CEP112: variants seen among roughly 807,000 people sequenced by gnomAD.
CEP112 encodes the protein centrosomal protein of 112 kDa.
A neutral mutation model predicts 153.0 loss-of-function variants in CEP112; 127 were observed. That is an observed-to-expected ratio of 0.83 (90% CI 0.72 to 0.96). The LOEUF is 0.96. Ranked by LOEUF, CEP112 falls within the 40% of genes least tolerant of loss-of-function variation. The probability of loss-of-function intolerance (pLI) is 0.00; values close to 1 mark genes in which losing one functional copy is unlikely to be tolerated. For synonymous variants in CEP112, 358 were observed against 374.4 expected, an observed-to-expected ratio of 0.96 and a Z score of 0.51; for missense variants, 1,089 against 1,101.2, an observed-to-expected ratio of 0.99 and a Z score of 0.16.
intron 17 of CEP112, among the ~76,000 whole-genome samples, chr17:65,983,910 T>C (rs1337670320): frequency 6.6e-6 from 1 of 152,214 alleles, no homozygotes; most frequent in East Asian, 1.9e-4. Flanking sequence ...TTTTGTTATC[T>C]CTCTACATTG....
intron 6 of CEP112, among the ~76,000 whole-genome samples, chr17:66,103,391 GA>G (rs2068647701): frequency 6.6e-6 from 1 of 152,044 alleles, no homozygotes; most frequent in Non-Finnish European, 1.5e-5. Flanking sequence ...TAGAAAGAAA[GA>G]AGAGGGTACA....
intron 23 of CEP112, among the ~76,000 whole-genome samples, chr17:65,718,272 G>T (rs760704694): frequency 1.3e-5 from 2 of 152,018 alleles, no homozygotes; most frequent in Non-Finnish European, 2.9e-5. Context: ...GCTGGGTGTG[G>T]TGGTGGGCGC....
intron 11 of CEP112, among the ~76,000 whole-genome samples, chr17:66,059,239 G>A (rs566372354): frequency 1.6e-4 from 25 of 152,194 alleles, no homozygotes; most frequent in Admixed American, 5.9e-4. Flanking sequence ...GACATTGACC[G>A]TGGTAAAGAA....
In CEP112 at chr17:66,191,412, T is replaced by C. The variant is rs1194112946; in HGVS notation, c.-9+585A>G. ...GTTCACATTTACTTATGTCGTTCTC[T>C]TGAACACTTAAAAATAATTAACTCA... On this transcript the variant is annotated intron_variant, in intron 1 of 26. Coordinates refer to ENST00000535342, the MANE Select transcript of CEP112 (RefSeq NM_001199165.4). The surrounding 1 kb of genome is among the most constrained non-coding windows in gnomAD (Gnocchi z 4.2). 6.6e-6 allele frequency among the ~76,000 whole-genome samples: 1 copy of C among 152,260 alleles called. No individual in the cohort carries two copies. Among genetic ancestry groups the C allele is most frequent in the African/African-American group, 2.4e-5 (1 of 41,472 alleles).
In CEP112 at chr17:66,165,750, T is replaced by C. The variant is rs1023936397; in HGVS notation, c.470+9294A>G. Among the ~76,000 whole-genome samples, 4 of 152,334 alleles carry C rather than the reference T, an allele frequency of 2.6e-5. No individual in the cohort carries two copies. The East Asian group carries it at 7.7e-4, about 29-fold the overall frequency. On this transcript the variant is annotated intron_variant, in intron 4 of 26. Transcript: ENST00000535342. Reference sequence around the variant, plus strand: ...TGATCACCATCTGCTGGCCATGTTATTAAACTGCACACACAAATGAAATGC... The same window carrying C: ...TGATCACCATCTGCTGGCCATGTTACTAAACTGCACACACAAATGAAATGC...
At chr17:66,126,427 A>G (rs1478401709) in intron 6 of CEP112, among the ~76,000 whole-genome samples, 1 of 152,154 alleles carries the variant, frequency 6.6e-6, no homozygotes, top group African/African-American at 2.4e-5. Context: ...CTAAAGGGAG[A>G]ATGTTCCAAA....
At chr17:66,082,690 G>A (rs1598313714) in intron 8 of CEP112, among the ~76,000 whole-genome samples, 2 of 151,760 alleles carry the variant, frequency 1.3e-5, no homozygotes, top group Middle Eastern at 6.8e-3. Context: ...TTGAACCCAG[G>A]AGACAGAGGT....
At chr17:65,813,906 G>A (rs1002130495) in intron 21 of CEP112, among the ~76,000 whole-genome samples, 2 of 152,110 alleles carry the variant, frequency 1.3e-5, no homozygotes, top group African/African-American at 2.4e-5. Context: ...CAATGTCAAC[G>A]TTTAACACAA....
rs1043395297 is a variant in CEP112 at position 65,930,106 on chromosome 17, A to G, written c.1873-2417T>C. On this transcript the variant is annotated intron_variant, in intron 18 of 26. Transcript: ENST00000535342. Reference sequence around the variant, plus strand: ...CGTGGCAACCATTCTACCACTGGCTACTTTATATTACTTATTATTCTGCTT... The same window carrying G: ...CGTGGCAACCATTCTACCACTGGCTGCTTTATATTACTTATTATTCTGCTT... Among the ~76,000 whole-genome samples, 3 of 152,196 alleles carry G rather than the reference A, an allele frequency of 2.0e-5. No homozygotes were observed. The South Asian group carries it at 6.2e-4, about 32-fold the overall frequency.
At chr17:65,850,447 G>C (rs1336543818) in intron 21 of CEP112, among the ~76,000 whole-genome samples, 1 of 152,060 alleles carries the variant, frequency 6.6e-6, no homozygotes, top group Non-Finnish European at 1.5e-5. Context: ...ATGCTGTCAG[G>C]TCTACCTTCA....
rs538023854 is a variant in CEP112 at position 65,996,279 on chromosome 17, A to C, written c.1736+9411T>G. On this transcript the variant is annotated intron_variant, in intron 17 of 26. Coordinates refer to ENST00000535342, the MANE Select transcript of CEP112 (RefSeq NM_001199165.4). Reference sequence around the variant, plus strand: ...TTCAGTATTTCACTAAAGCCCAAAAACCCCCCCATTATGCAGTATATCCAT... The same window carrying C: ...TTCAGTATTTCACTAAAGCCCAAAACCCCCCCCATTATGCAGTATATCCAT... Among the ~76,000 whole-genome samples the C allele has an allele frequency of 3.4e-4, 51 of 149,692 alleles. No homozygotes were observed. In the East Asian group the frequency reaches 4.9e-3, roughly 14 times the overall value.
At chr17:65,863,429 G>A (rs925522499) in intron 20 of CEP112, among the ~76,000 whole-genome samples, 55 of 152,128 alleles carry the variant, frequency 3.6e-4, no homozygotes, top group Non-Finnish European at 1.5e-4. Flanking sequence ...CAGGAGAATG[G>A]TGTGTCATGA....
At chr17:65,971,444 C>T (rs772632327) in intron 17 of CEP112, among the ~76,000 whole-genome samples, 4 of 63,138 alleles carry the variant, frequency 6.3e-5, no homozygotes, top group South Asian at 1.1e-3. Context: ...ACATGGATGC[C>T]GCATGCATGC....
intron 8 of CEP112, among the ~76,000 whole-genome samples, chr17:66,094,442 G>A (rs1021615586): frequency 2.6e-5 from 4 of 152,048 alleles, no homozygotes; most frequent in African/African-American, 9.7e-5. Flanking sequence ...TGGAAAACTG[G>A]ATATCCAACA....
intron 17 of CEP112, among the ~76,000 whole-genome samples, chr17:66,005,022 T>C (rs557584727): frequency 7.2e-5 from 11 of 152,172 alleles, no homozygotes; most frequent in African/African-American, 1.9e-4. Context: ...TATGGTTCTA[T>C]GGGAATGTAC....
rs568900080 is a variant in CEP112 at position 66,016,331 on chromosome 17, T to C, written c.1657-10562A>G. On this transcript the variant is annotated intron_variant, in intron 16 of 26. Transcript: ENST00000535342. ...AACACCGTACACCACTCAGACTTGG[T>C]GCTTGATATTCAGAACACCATTCAG... Among the ~76,000 whole-genome samples the C allele has an allele frequency of 3.3e-5, 5 of 152,280 alleles. No homozygotes were observed. The East Asian group carries it at 7.7e-4, about 24-fold the overall frequency.
In CEP112 at chr17:66,139,256, C is replaced by G. The variant is rs114804009; in HGVS notation, c.471-6493G>C. 4.8e-3 allele frequency among the ~76,000 whole-genome samples: 737 copies of G among 152,100 alleles called. 6 individuals carry two copies. Among genetic ancestry groups the G allele is most frequent in the African/African-American group, 0.017 (709 of 41,490 alleles). ...CAGAATAAGAAAAAAGGAGAGAAGACTAAACAACTAAAATCAGAAATGAAA... is the reference window on the plus strand; with the variant it reads ...CAGAATAAGAAAAAAGGAGAGAAGAGTAAACAACTAAAATCAGAAATGAAA... On this transcript the variant is annotated intron_variant, in intron 4 of 26. Transcript: ENST00000535342.
rs57252258 is a variant in CEP112 at position 66,164,886 on chromosome 17, ATGTGTGTGTGTGTG to A, written c.470+10144_470+10157del. On this transcript the variant is annotated intron_variant, in intron 4 of 26. Coordinates refer to ENST00000535342, the MANE Select transcript of CEP112 (RefSeq NM_001199165.4). ...AATATATATATATATACACACATATATGTGTGTGTGTGTGTGTGTGTGTGTGTGTGTGTGTATAT... is the reference window on the plus strand; with the variant it reads ...AATATATATATATATACACACATATATGTGTGTGTGTGTGTGTGTGTATAT... 3.4e-3 allele frequency among the ~76,000 whole-genome samples: 466 copies of A among 137,600 alleles called. 6 individuals are homozygous for A. The highest frequency in any genetic ancestry group is 0.028 in the East Asian group (134 of 4,702). The allele number at this position is 137,600 out of a possible 152,430, so 90.3% of individuals were successfully genotyped here.
intron 21 of CEP112, among the ~76,000 whole-genome samples, chr17:65,822,375 A>G (rs2146025736): frequency 6.6e-6 from 1 of 152,290 alleles, no homozygotes; most frequent in East Asian, 1.9e-4. Context: ...ACCTTTAAAC[A>G]AAATGGCAGA....
Sources: gnomAD v4.1 joint callset for allele counts (sites outside exome capture counted in the v4.1 genomes callset) on GRCh38, gnomAD v4.1.1 for gene constraint, Gnocchi (gnomAD v3.1) non-coding constraint, MANE v1.5 for transcripts, NCBI Gene and HGNC (gene_info 2026-07-23, HGNC 2026-07-21) for gene names.